Variants in VAX2 observed in about 807,000 individuals in gnomAD.
VAX2 encodes the protein ventral anterior homeobox 2.
VAX2 carries 8 observed loss-of-function variants against 12.5 expected under a neutral mutation model. The ratio of observed to expected loss-of-function variants is 0.64; its 90% CI spans 0.37 to 1.15. The LOEUF is 1.15. Ranked by LOEUF, VAX2 falls within the 50% of genes most tolerant of loss-of-function variation. The probability of loss-of-function intolerance (pLI) is 0.01; values close to 1 mark genes in which losing one functional copy is unlikely to be tolerated. For missense variants in VAX2, 476 were observed against 412.9 expected, an observed-to-expected ratio of 1.15 and a Z score of -1.32; for synonymous variants, 183 against 187.6, an observed-to-expected ratio of 0.98 and a Z score of 0.20.
chr2:70,908,910 A>C (rs1203083318), intron 1 of VAX2, among the ~76,000 whole-genome samples: 1 of 152,300 alleles, frequency 6.6e-6, no homozygotes, highest in East Asian at 1.9e-4. Flanking sequence ...CCCTGTCCCC[A>C]CACTGGACAT....
intron 1 of VAX2, among the ~76,000 whole-genome samples, chr2:70,914,521 G>A (rs1679265802): frequency 6.6e-6 from 1 of 152,124 alleles, no homozygotes; most frequent in Admixed American, 6.5e-5. Context: ...AGCCTTAAAA[G>A]ATGGACTCAA....
chr2:70,926,934 C>A (rs1553413629), intron 2 of VAX2, among the ~76,000 whole-genome samples: 1 of 152,070 alleles, frequency 6.6e-6, no homozygotes, highest in Non-Finnish European at 1.5e-5. Flanking sequence ...GTTAAGGGAA[C>A]CAGAATTGAA....
intron 1 of VAX2, among the ~76,000 whole-genome samples, chr2:70,917,065 C>T (rs1233973593): frequency 4.7e-5 from 7 of 149,154 alleles, no homozygotes; most frequent in Non-Finnish European, 8.9e-5. Context: ...GCAGGAAAAT[C>T]GCTTGAAACC....
At chr2:70,906,520 CTTTTTTTTTTTT>C (rs869309305) in intron 1 of VAX2, among the ~76,000 whole-genome samples, 1 of 60,596 alleles carries the variant, frequency 1.7e-5, no homozygotes, top group East Asian at 5.7e-4. Context: ...TTTTCTTTTC[CTTTTTTTTTTTT>C]TTTTTTTTTT....
chr2:70,928,399 A>G (rs1381428296), intron 2 of VAX2, among the ~76,000 whole-genome samples: 4 of 152,172 alleles, frequency 2.6e-5, no homozygotes, highest in African/African-American at 9.7e-5. Context: ...CATCCCAGAA[A>G]ATTCCAGTGT....
chr2:70,914,949 C>T (rs1167555616), intron 1 of VAX2, among the ~76,000 whole-genome samples: 7 of 152,024 alleles, frequency 4.6e-5, no homozygotes, highest in African/African-American at 9.6e-5. Flanking sequence ...TAGAGGCGCA[C>T]GCCACCACAC....
chr2:70,909,406 T>C (rs1466682451), intron 1 of VAX2, among the ~76,000 whole-genome samples: 2 of 152,142 alleles, frequency 1.3e-5, no homozygotes, highest in South Asian at 2.1e-4. Context: ...TTCACCATAT[T>C]GAGGAGGCCA....
chr2:70,929,168 G>A (rs1679635626), intron 2 of VAX2, among the ~76,000 whole-genome samples: 1 of 152,214 alleles, frequency 6.6e-6, no homozygotes, highest in Admixed American at 6.5e-5. Flanking sequence ...GCTAGACTTG[G>A]CTGAATCTTC....
rs559899526 is a variant in VAX2, at chr2:70,921,655, C to T, written c.435+370C>T. ...TGAGGGCTTGGCTGGTTGGAAATAA[C>T]GATTCTGGGGAAGATGAAACATTAT... On this transcript the variant is annotated intron_variant, in intron 2 of 2. Coordinates refer to ENST00000234392, the MANE Select transcript of VAX2 (RefSeq NM_012476.3). Among the ~76,000 whole-genome samples the T allele has an allele frequency of 5.3e-4, 80 of 152,018 alleles. 1 individual carries two copies. The highest frequency in any genetic ancestry group is 9.2e-4 in the Admixed American group (14 of 15,264).
Position 70,933,323 on chromosome 2 carries a change from C to T in VAX2, c.*119C>T. The T allele has an allele frequency of 9.6e-7, 1 of 1,040,214 alleles. No individual in the cohort carries two copies. 64.4% of individuals were successfully genotyped at this position (1,040,214 alleles called of 1,614,324 possible). On this transcript the variant is annotated 3_prime_UTR_variant, in exon 3 of 3. Transcript: ENST00000234392. ...GGCTGCAGCCACACACTCTTCCCCA[C>T]CTGCCCCCCAGCTCAGAGACTCGTG... is the stretch of plus-strand genomic sequence containing the variant.
intron 1 of VAX2, among the ~76,000 whole-genome samples, chr2:70,909,543 A>G (rs1187614863): frequency 4.6e-5 from 7 of 152,134 alleles, no homozygotes; most frequent in Non-Finnish European, 1.0e-4. Flanking sequence ...AATTTCCCTT[A>G]CATGATACAC....
Position 70,932,849 on chromosome 2 carries a change from C to A in VAX2, c.518C>A (p.Ala173Asp), listed in dbSNP as rs782054607. 14 of 1,613,282 alleles carry A rather than the reference C, an allele frequency of 8.7e-6. No individual in the cohort carries two copies. In the East Asian group the frequency reaches 3.1e-4, roughly 36 times the overall value. The change falls in exon 3 of 3, where the codon GCC becomes GAC. Residue 173 changes from alanine to aspartate, a missense_variant. Coordinates refer to ENST00000234392, the MANE Select transcript of VAX2 (RefSeq NM_012476.3). ...RDLEKRASSS[A>D]SEAFATSNIL... ...CTGGAGAAGCGGGCGTCCTCCTCAG[C>A]CTCCGAGGCCTTTGCCACCTCCAAC...
chr2:70,924,795 A>C (rs553105107), intron 2 of VAX2, among the ~76,000 whole-genome samples: 1 of 152,334 alleles, frequency 6.6e-6, no homozygotes, highest in South Asian at 2.1e-4. Flanking sequence ...GCTTAGAACA[A>C]AACAGACCAG....
At chr2:70,902,136 G>A (rs1035141019) in intron 1 of VAX2, among the ~76,000 whole-genome samples, 27 of 152,344 alleles carry the variant, frequency 1.8e-4, no homozygotes, top group African/African-American at 6.5e-4. Flanking sequence ...GACACCCTGG[G>A]CCAGTTGGGC....
In VAX2 at chr2:70,907,202, T is replaced by A. The variant is rs539606900; in HGVS notation, c.247+6334T>A. Among the ~76,000 whole-genome samples, 3 of 152,386 alleles carry A rather than the reference T, an allele frequency of 2.0e-5. No homozygotes were observed. In the South Asian group the frequency reaches 6.2e-4, roughly 32 times the overall value. ...TTGACAACCCCATAGTTTCGAAATT[T>A]TGTTTCTGCAATCCGCAGCTTTGGG... On this transcript the variant is annotated intron_variant, in intron 1 of 2. Coordinates refer to ENST00000234392, the MANE Select transcript of VAX2 (RefSeq NM_012476.3).
At chr2:70,905,116 C>T (rs114184828) in intron 1 of VAX2, among the ~76,000 whole-genome samples, 2,436 of 152,076 alleles carry the variant, frequency 0.016, 34 homozygotes, top group Non-Finnish European at 0.023. Context: ...TTGGGGAGAT[C>T]GGCCGGGCCG....
In VAX2 at chr2:70,904,437, A is replaced by T. The variant is rs530045707; in HGVS notation, c.247+3569A>T. Among the ~76,000 whole-genome samples, 63 of 152,276 alleles carry T rather than the reference A, an allele frequency of 4.1e-4. No individual in the cohort carries two copies. The highest frequency in any genetic ancestry group is 1.4e-3 in the African/African-American group (57 of 41,554). On this transcript the variant is annotated intron_variant, in intron 1 of 2. Coordinates refer to ENST00000234392, the MANE Select transcript of VAX2 (RefSeq NM_012476.3). The surrounding 1 kb of genome is among the most constrained non-coding windows in gnomAD (Gnocchi z 4.2). ...CACGCTCAAACGCACCTGTTTCCCAAATTAATCCAGACGCGAATTTAACGA... is the reference window on the plus strand; with the variant it reads ...CACGCTCAAACGCACCTGTTTCCCATATTAATCCAGACGCGAATTTAACGA...
intron 1 of VAX2, among the ~76,000 whole-genome samples, chr2:70,914,761 A>C (rs1009087897): frequency 1.1e-4 from 17 of 151,714 alleles, no homozygotes; most frequent in African/African-American, 4.1e-4. Context: ...AATGACCCAG[A>C]TAAATTACTT....
chr2:70,921,413 G>A (rs1193008720), intron 2 of VAX2, 128 bp downstream of exon 2: 6 of 1,086,950 alleles, frequency 5.5e-6, no homozygotes, highest in African/African-American at 1.6e-5. Flanking sequence ...ATGAGGGAAA[G>A]ACTTTAAGCT....
Sources: gnomAD v4.1 joint callset for allele counts (sites outside exome capture counted in the v4.1 genomes callset) on GRCh38, gnomAD v4.1.1 for gene constraint, Gnocchi (gnomAD v3.1) non-coding constraint, MANE v1.5 for transcripts, NCBI Gene and HGNC (gene_info 2026-07-23, HGNC 2026-07-21) for gene names.